COL19A1: variants seen among roughly 807,000 people sequenced by gnomAD.
COL19A1 encodes collagen alpha-1(XIX) chain.
COL19A1 carries 159 observed loss-of-function variants against 190.2 expected under a neutral mutation model. The observed-to-expected ratio is 0.84, with a 90% CI of 0.73 to 0.95. The LOEUF is 0.95. Ranked by LOEUF, COL19A1 falls within the 40% of genes least tolerant of loss-of-function variation. The pLI is 0.00. For synonymous variants in COL19A1, 509 were observed against 458.9 expected, an observed-to-expected ratio of 1.11 and a Z score of -1.39; for missense variants, 1,418 against 1,431.9, an observed-to-expected ratio of 0.99 and a Z score of 0.16.
At chr6:70,122,933 T>C (rs1784966251) in intron 17 of COL19A1, among the ~76,000 whole-genome samples, 1 of 152,198 alleles carries the variant, frequency 6.6e-6, no homozygotes, top group South Asian at 2.1e-4. Flanking sequence ...ATAAATTTGA[T>C]AGTGATGCTA....
intron 4 of COL19A1, among the ~76,000 whole-genome samples, chr6:69,922,673 G>T (rs1772068284): frequency 1.3e-5 from 2 of 152,028 alleles, no homozygotes; most frequent in East Asian, 1.9e-4. Context: ...TAGAAATGGG[G>T]TTTCACTATG....
intron 4 of COL19A1, among the ~76,000 whole-genome samples, chr6:69,901,898 A>G (rs9454911): frequency 0.017 from 2,523 of 152,326 alleles, 68 homozygotes; most frequent in African/African-American, 0.057. Context: ...AATTTTACGT[A>G]GCTACACTGG....
intron 4 of COL19A1, among the ~76,000 whole-genome samples, chr6:69,924,092 G>T (rs1344434803): frequency 6.6e-6 from 1 of 152,016 alleles, no homozygotes; most frequent in Non-Finnish European, 1.5e-5. Flanking sequence ...TATTTTAAAT[G>T]TCTTCTTTTC....
At chr6:69,886,619 T>A in intron 2 of COL19A1, among the ~76,000 whole-genome samples, 1 of 146,708 alleles carries the variant, frequency 6.8e-6, no homozygotes, top group East Asian at 1.9e-4. Flanking sequence ...AGCAGTGCGT[T>A]TTTTTTTTTT....
chr6:70,066,303 T>C (rs912467713), intron 14 of COL19A1, among the ~76,000 whole-genome samples: 1 of 151,948 alleles, frequency 6.6e-6, no homozygotes, highest in African/African-American at 2.4e-5. Flanking sequence ...TTTGTAGGGA[T>C]ATGGATGAAG....
intron 31 of COL19A1, among the ~76,000 whole-genome samples, chr6:70,151,932 A>T (rs939037103): frequency 6.6e-6 from 1 of 152,128 alleles, no homozygotes; most frequent in African/African-American, 2.4e-5. Context: ...AAAATTCCAC[A>T]GTTGACAAGT....
intron 11 of COL19A1, among the ~76,000 whole-genome samples, chr6:70,002,216 A>G (rs1182908117): frequency 6.6e-6 from 1 of 152,152 alleles, no homozygotes; most frequent in Non-Finnish European, 1.5e-5. Flanking sequence ...GGACGAAGCC[A>G]ACTTGATCAT....
rs373787270 is a variant in COL19A1, at chr6:70,161,884, G to A, written c.2293-16G>A. ...AATGATATAACAGATTTTATGATGG[G>A]AACTATCTTTTCCAGGGTCTTCAAG... On this transcript the variant is annotated splice_polypyrimidine_tract_variant and intron_variant, in intron 34 of 50. Coordinates refer to ENST00000620364, the MANE Select transcript of COL19A1 (RefSeq NM_001858.6). 3.7e-5 allele frequency: 59 copies of A among 1,600,750 alleles called. No homozygotes were observed. The African/African-American group carries it at 7.9e-4, about 22-fold the overall frequency.
chr6:69,957,569 C>G (rs1774499233), intron 9 of COL19A1, among the ~76,000 whole-genome samples: 1 of 151,884 alleles, frequency 6.6e-6, no homozygotes, highest in African/African-American at 2.4e-5. Context: ...AAAAAAAACC[C>G]TCAGAAATAA....
intron 42 of COL19A1, among the ~76,000 whole-genome samples, chr6:70,178,646 A>AT (rs1765966069): frequency 6.6e-6 from 1 of 152,188 alleles, no homozygotes; most frequent in South Asian, 2.1e-4. Context: ...TTTTACCATG[A>AT]TAAAAATTTT....
rs187386122 is a variant in COL19A1 at position 69,890,089 on chromosome 6, G to A, written c.92-8859G>A. ...AACTCCAGACACACCATCTTTAAGA[G>A]CTGTAACACTCACTGTGAAGGTCTG... On this transcript the variant is annotated intron_variant, in intron 2 of 50. Coordinates refer to ENST00000620364, the MANE Select transcript of COL19A1 (RefSeq NM_001858.6). The A allele has an allele frequency of 5.1e-4, 78 of 153,654 alleles. 1 individual carries two copies. The highest frequency in any genetic ancestry group is 1.8e-3 in the Admixed American group (28 of 15,332). The allele number at this position is 153,654 out of a possible 1,614,324, so 9.5% of individuals were successfully genotyped here.
At chr6:69,981,138 A>G (rs982374107) in intron 11 of COL19A1, among the ~76,000 whole-genome samples, 10 of 152,232 alleles carry the variant, frequency 6.6e-5, no homozygotes, top group South Asian at 2.1e-4. Context: ...CAGAGTTGGC[A>G]CACAAATGTT....
chr6:70,180,422 T>G, intron 43 of COL19A1, 39 bp from the exon 44 acceptor site: 1 of 1,614,018 alleles, frequency 6.2e-7, no homozygotes, highest in East Asian at 2.2e-5. Flanking sequence ...TTTAAAACAT[T>G]TGTTGGCAAT....
intron 41 of COL19A1, among the ~76,000 whole-genome samples, chr6:70,173,903 C>T (rs1765651539): frequency 6.6e-6 from 1 of 151,992 alleles, no homozygotes; most frequent in African/African-American, 2.4e-5. Context: ...GATGATGATG[C>T]TGGAGAGAAA....
intron 11 of COL19A1, among the ~76,000 whole-genome samples, chr6:69,986,796 C>T (rs561929964): frequency 6.6e-6 from 1 of 152,278 alleles, no homozygotes; most frequent in South Asian, 2.1e-4. Context: ...AAGACTGAGA[C>T]ATGGAGCTCT....
intron 15 of COL19A1, among the ~76,000 whole-genome samples, chr6:70,078,854 G>T (rs1782058219): frequency 6.6e-6 from 1 of 152,092 alleles, no homozygotes; most frequent in Admixed American, 6.5e-5. Flanking sequence ...GTAACTTGAG[G>T]TCAGGAGTTC....
At position 70,098,911 on chromosome 6, in the gene COL19A1, T is replaced by A. The variant is rs570809296; in HGVS notation, c.1225-3258T>A. ...ATGTCTGGGAGTAGGCATGGACTAT[T>A]GTGTTGATAGAAATTGCAGCCCCTA... On this transcript the variant is annotated intron_variant, in intron 15 of 50. Transcript: ENST00000620364. Among the ~76,000 whole-genome samples, 10 of 151,916 alleles carry A rather than the reference T, an allele frequency of 6.6e-5. No individual in the cohort carries two copies. The East Asian group carries it at 1.9e-3, about 29-fold the overall frequency.
At chr6:69,891,093 G>A in intron 2 of COL19A1, 1 of 261,808 alleles carries the variant, frequency 3.8e-6, no homozygotes, top group Admixed American at 3.6e-5. Flanking sequence ...AAACCCATTT[G>A]TTAGAAAACA....
chr6:70,020,092 C>T (rs908056161), intron 11 of COL19A1, among the ~76,000 whole-genome samples: 2 of 152,014 alleles, frequency 1.3e-5, no homozygotes, highest in African/African-American at 2.4e-5. Context: ...TTATTTAATA[C>T]TAGTTAAAAT....
Sources: gnomAD v4.1 joint callset for allele counts (sites outside exome capture counted in the v4.1 genomes callset) on GRCh38, gnomAD v4.1.1 for gene constraint, MANE v1.5 for transcripts, NCBI Gene and HGNC (gene_info 2026-07-23, HGNC 2026-07-21) for gene names.